The following SLC16A7 variants were observed in gnomAD, a reference collection of about 807,000 sequenced individuals.
SLC16A7 encodes the protein solute carrier family 16 member 7.
Under a neutral mutation model 34.9 loss-of-function variants are expected in SLC16A7, and 33 were observed. That is an observed-to-expected ratio of 0.94 (90% confidence interval 0.72 to 1.26). SLC16A7 has a LOEUF of 1.26. Ranked by LOEUF, SLC16A7 falls within the 50% of genes most tolerant of loss-of-function variation. SLC16A7 has a pLI of 0.00. For missense variants in SLC16A7, 573 were observed against 578.1 expected, an observed-to-expected ratio of 0.99 and a Z score of 0.09; for synonymous variants, 201 against 206.6, an observed-to-expected ratio of 0.97 and a Z score of 0.23.
At chr12:59,654,939 A>G (rs1458810163) in intron 1 of SLC16A7, among the ~76,000 whole-genome samples, 1 of 151,952 alleles carries the variant, frequency 6.6e-6, no homozygotes, top group African/African-American at 2.4e-5. Flanking sequence ...GCTAGTGGTG[A>G]TGTGAACACA....
chr12:59,739,590 C>T (rs1181856052), intron 3 of SLC16A7, among the ~76,000 whole-genome samples: 1 of 147,796 alleles, frequency 6.8e-6, no homozygotes, highest in South Asian at 2.2e-4. Flanking sequence ...AATGGTATTT[C>T]TAGTTCTAGA....
At chr12:59,754,828 C>T (rs1160328547) in intron 3 of SLC16A7, among the ~76,000 whole-genome samples, 2 of 152,168 alleles carry the variant, frequency 1.3e-5, no homozygotes, top group Non-Finnish European at 2.9e-5. Flanking sequence ...AGACCAATAT[C>T]CTTGATGAAC....
At chr12:59,687,804 A>G (rs1871273815) in intron 2 of SLC16A7, among the ~76,000 whole-genome samples, 1 of 152,122 alleles carries the variant, frequency 6.6e-6, no homozygotes, top group Non-Finnish European at 1.5e-5. Context: ...AAACATGCAA[A>G]CACATTTTAA....
At chr12:59,753,425 T>C (rs995931853) in intron 3 of SLC16A7, among the ~76,000 whole-genome samples, 85 of 152,028 alleles carry the variant, frequency 5.6e-4, no homozygotes, top group Non-Finnish European at 1.0e-3. Flanking sequence ...ACCAAGCCAA[T>C]GGAAAACAAA....
chr12:59,660,388 C>T (rs1468003559), intron 2 of SLC16A7, among the ~76,000 whole-genome samples: 3 of 151,824 alleles, frequency 2.0e-5, no homozygotes, highest in Non-Finnish European at 2.9e-5. Flanking sequence ...ACTTCTAGGG[C>T]GTGGTTATGG....
chr12:59,713,368 C>T (rs1269502958), intron 3 of SLC16A7, among the ~76,000 whole-genome samples: 1 of 152,074 alleles, frequency 6.6e-6, no homozygotes, highest in African/African-American at 2.4e-5. Flanking sequence ...CCCAGCTCTT[C>T]CTCAACAACA....
intron 3 of SLC16A7, among the ~76,000 whole-genome samples, chr12:59,718,744 G>A (rs1318655249): frequency 2.0e-5 from 3 of 152,070 alleles, no homozygotes; most frequent in South Asian, 4.2e-4. Context: ...CTGCAGCATG[G>A]GAACTAGGGA....
At chr12:59,744,297 C>T (rs1358625436) in intron 3 of SLC16A7, among the ~76,000 whole-genome samples, 3 of 152,040 alleles carry the variant, frequency 2.0e-5, no homozygotes, top group African/African-American at 7.2e-5. Context: ...GCTCTGCTGG[C>T]AGAGAAGAGG....
intron 2 of SLC16A7, among the ~76,000 whole-genome samples, chr12:59,674,813 A>T (rs377573654): frequency 6.6e-6 from 1 of 152,184 alleles, no homozygotes. Context: ...TCATGCTACA[A>T]AGATAGGAGT....
rs536245044 is a variant in SLC16A7 at position 59,711,924 on chromosome 12, T to C, written c.217+6906T>C. 3.9e-5 allele frequency among the ~76,000 whole-genome samples: 6 copies of C among 152,346 alleles called. No homozygotes were observed. The East Asian group carries it at 9.6e-4, about 24-fold the overall frequency. On this transcript the variant is annotated intron_variant, in intron 3 of 5. Transcript: ENST00000547379. ...TGCAATGAGAAGCAGAAGAGCATTA[T>C]AGTTGGAGAGTGAGCTCCAAAATAT...
intron 2 of SLC16A7, among the ~76,000 whole-genome samples, chr12:59,680,924 A>G (rs1052009012): frequency 6.6e-6 from 1 of 152,216 alleles, no homozygotes; most frequent in Non-Finnish European, 1.5e-5. Flanking sequence ...GAGCTGAAAG[A>G]GAGGTCAAAT....
intron 1 of SLC16A7, among the ~76,000 whole-genome samples, chr12:59,654,929 GC>G (rs1344733412): frequency 6.6e-6 from 1 of 151,888 alleles, no homozygotes; most frequent in Non-Finnish European, 1.5e-5. Context: ...ATAACATGGG[GC>G]TAGTGGTGAT....
rs1882663635 is a variant in SLC16A7 at position 59,775,419 on chromosome 12, T to G, written c.1124T>G (p.Val375Gly). 6.2e-7 allele frequency: 1 copy of G among 1,614,098 alleles called. No individual in the cohort carries two copies. Among genetic ancestry groups the G allele is most frequent in the Non-Finnish European group, 8.5e-7 (1 of 1,179,960 alleles). Reference protein sequence around the residue: ...LVGAPRFSSAVGLVTIVECGP... With the variant: ...LVGAPRFSSAGGLVTIVECGP... ...GGTGCACCAAGATTTTCCAGTGCCG[T>G]CGGACTTGTCACAATTGTGGAGTGT... The change falls in exon 5 of 6, where the codon GTC becomes GGC. Residue 375 changes from valine to glycine, a missense_variant. Physicochemically the swap from Val to Gly is moderately radical, Grantham distance 109 (BLOSUM62 -3). Transcript: ENST00000547379.
At position 59,774,619 on chromosome 12, in the gene SLC16A7, GT is replaced by G; in HGVS notation, c.362-35del. 5.3e-6 allele frequency: 7 copies of G among 1,323,114 alleles called. No homozygotes were observed. In the African/African-American group the frequency reaches 5.9e-5, roughly 11 times the overall value. The allele number at this position is 1,323,114 out of a possible 1,614,324, so 82.0% of individuals were successfully genotyped here. ...ATTTCTTTTGTGAGTGCCATAATGTGTTTGTGTTTTCCCCCACTTTTGTTTT... is the reference window on the plus strand; with the variant it reads ...ATTTCTTTTGTGAGTGCCATAATGTGTTGTGTTTTCCCCCACTTTTGTTTT... On this transcript the variant is annotated intron_variant, in intron 4 of 5. Coordinates refer to ENST00000547379, the MANE Select transcript of SLC16A7 (RefSeq NM_001270623.2).
At chr12:59,646,664 C>G (rs1286060880) in intron 1 of SLC16A7, among the ~76,000 whole-genome samples, 3 of 152,062 alleles carry the variant, frequency 2.0e-5, no homozygotes, top group Non-Finnish European at 4.4e-5. Context: ...GCCACCATCC[C>G]CTGGAACCCA....
chr12:59,733,654 A>T (rs1877226407), intron 3 of SLC16A7: 1 of 453,608 alleles, frequency 2.2e-6, no homozygotes, highest in East Asian at 7.0e-5. Context: ...TCACCTGAAC[A>T]TGGCAATCCC....
rs2137521973 is a variant in SLC16A7, at chr12:59,788,756, G to A, written c.*9077G>A. The A allele has an allele frequency of 6.6e-6, 1 of 151,694 alleles. No homozygotes were observed. The highest frequency in any genetic ancestry group is 1.9e-4 in the East Asian group (1 of 5,158). The allele number at this position is 151,694 out of a possible 1,614,324, so 9.4% of individuals were successfully genotyped here. On this transcript the variant is annotated 3_prime_UTR_variant, in exon 6 of 6. Coordinates refer to ENST00000547379, the MANE Select transcript of SLC16A7 (RefSeq NM_001270623.2). ...AACTTAGCAAATAATATGTGTAAAG[G>A]AATTAACCAAAAATGAAAGAACTGG...
At chr12:59,601,707 TGA>T (rs1484187338) in intron 1 of SLC16A7, among the ~76,000 whole-genome samples, 1 of 152,188 alleles carries the variant, frequency 6.6e-6, no homozygotes, top group Non-Finnish European at 1.5e-5. Context: ...GCTGGAAATC[TGA>T]GATCAGGGTG....
chr12:59,730,265 T>G (rs1249005001), intron 3 of SLC16A7, among the ~76,000 whole-genome samples: 1 of 151,598 alleles, frequency 6.6e-6, no homozygotes, highest in Non-Finnish European at 1.5e-5. Flanking sequence ...GTTAGCACTG[T>G]CTACCAAAAA....
Sources: allele counts gnomAD v4.1 joint callset (sites outside exome capture counted in the v4.1 genomes callset), GRCh38; gene constraint gnomAD v4.1.1; transcripts MANE v1.5; gene names NCBI Gene and HGNC (gene_info 2026-07-23, HGNC 2026-07-21).